Variants in STPG2 observed in about 807,000 individuals in gnomAD.
The protein encoded by STPG2 is sperm tail PG-rich repeat containing 2.
In STPG2, 56 loss-of-function variants were observed where a neutral mutation model predicts 54.2. The observed-to-expected ratio is 1.03, with a 90% CI of 0.83 to 1.29. The LOEUF is 1.29. STPG2 is among the 50% of genes most tolerant of loss of function. The pLI is 0.00. For synonymous variants in STPG2, 200 were observed against 181.8 expected (o/e 1.10, Z -0.81); for missense variants, 596 against 544.9 (o/e 1.09, Z -0.93).
rs1730441001 is a variant in STPG2 at position 97,883,174 on chromosome 4, CA to C, written c.1045-42243del. ...CTCTACAGAAATATATATATATACA[CA>C]TATATACATATATGTATATAAATAT... is the stretch of plus-strand genomic sequence containing the variant. On this transcript the variant is annotated intron_variant, in intron 8 of 10. Coordinates refer to ENST00000295268, the MANE Select transcript of STPG2 (RefSeq NM_174952.3). Among the ~76,000 whole-genome samples, 4 of 150,984 alleles carry C rather than the reference CA, an allele frequency of 2.6e-5. No individual in the cohort carries two copies. In the South Asian group the frequency reaches 6.3e-4, roughly 24 times the overall value.
intron 5 of STPG2, among the ~76,000 whole-genome samples, chr4:98,008,542 CTCACAGGTTTTAT>C (rs1735644054): frequency 2.0e-5 from 3 of 149,272 alleles, no homozygotes; most frequent in African/African-American, 7.4e-5. Flanking sequence ...TTTATAAAAA[CTCACAGGTTTTAT>C]AAATAGTTTT....
chr4:97,960,425 G>GAT (rs1733841247), intron 7 of STPG2, among the ~76,000 whole-genome samples: 1 of 152,096 alleles, frequency 6.6e-6, no homozygotes, highest in African/African-American at 2.4e-5. Context: ...GTTTGCTGAT[G>GAT]ATATGATTGT....
intron 9 of STPG2, among the ~76,000 whole-genome samples, chr4:97,782,651 G>A (rs1726683491): frequency 6.6e-6 from 1 of 152,194 alleles, no homozygotes; most frequent in South Asian, 2.1e-4. Context: ...AAGAAAGCTA[G>A]AGGCATCATG....
At chr4:98,036,702 G>A (rs564566233) in intron 5 of STPG2, among the ~76,000 whole-genome samples, 10 of 151,306 alleles carry the variant, frequency 6.6e-5, no homozygotes, top group Admixed American at 3.3e-4. Context: ...AATAACTAAC[G>A]GGTACCAGGC....
chr4:97,646,045 T>C (rs1480106394), intron 10 of STPG2, among the ~76,000 whole-genome samples: 2 of 152,128 alleles, frequency 1.3e-5, no homozygotes, highest in African/African-American at 4.8e-5. Context: ...ATCTGATTCT[T>C]TCCAACTAGA....
intron 10 of STPG2, among the ~76,000 whole-genome samples, chr4:97,661,424 A>G (rs1722374670): frequency 6.6e-6 from 1 of 152,142 alleles, no homozygotes; most frequent in African/African-American, 2.4e-5. Flanking sequence ...CCTTTGTGAC[A>G]TGGCCAGTCC....
intron 1 of STPG2, among the ~76,000 whole-genome samples, chr4:98,140,584 T>G (rs1286850094): frequency 3.3e-5 from 5 of 152,028 alleles, no homozygotes. Context: ...ACAGGAGTAG[T>G]CAGGGAGAAA....
chr4:98,011,169 T>C (rs1735737137), intron 5 of STPG2, among the ~76,000 whole-genome samples: 1 of 152,154 alleles, frequency 6.6e-6, no homozygotes, highest in Non-Finnish European at 1.5e-5. Flanking sequence ...GTCCATGAGT[T>C]CTCATTGTTC....
intron 4 of STPG2, among the ~76,000 whole-genome samples, chr4:97,550,456 G>C (rs112740740): frequency 6.6e-6 from 1 of 152,140 alleles, no homozygotes; most frequent in East Asian, 1.9e-4. Context: ...AAAAGGATAC[G>C]GGGAAGAGTG....
intron 4 of STPG2, among the ~76,000 whole-genome samples, chr4:97,443,197 T>A (rs1729133725): frequency 6.6e-6 from 1 of 152,164 alleles, no homozygotes; most frequent in South Asian, 2.1e-4. Context: ...CCTCGAGGAA[T>A]CTTTTAGTTT....
At chr4:97,495,157 T>G (rs1560632610) in intron 4 of STPG2, among the ~76,000 whole-genome samples, 1 of 151,444 alleles carries the variant, frequency 6.6e-6, no homozygotes, top group Non-Finnish European at 1.5e-5. Flanking sequence ...ACAGAACATA[T>G]AGTTCTTCTG....
At chr4:97,791,567 T>C (rs1001022858) in intron 9 of STPG2, among the ~76,000 whole-genome samples, 5 of 152,292 alleles carry the variant, frequency 3.3e-5, no homozygotes, top group South Asian at 4.1e-4. Context: ...CTCAAGCTGA[T>C]AAGTTTTCCT....
At chr4:98,083,615 G>A (rs1421861604) in intron 5 of STPG2, among the ~76,000 whole-genome samples, 2 of 152,096 alleles carry the variant, frequency 1.3e-5, no homozygotes, top group African/African-American at 2.4e-5. Flanking sequence ...GAGTATTCCA[G>A]GAAGAGGGGA....
At chr4:97,453,945 G>A (rs997256292) in intron 4 of STPG2, among the ~76,000 whole-genome samples, 1 of 151,958 alleles carries the variant, frequency 6.6e-6, no homozygotes, top group Non-Finnish European at 1.5e-5. Flanking sequence ...GTAGAGCAGA[G>A]GAAAGAAATG....
At chr4:97,998,487 G>A (rs1735312477) in intron 5 of STPG2, among the ~76,000 whole-genome samples, 1 of 152,086 alleles carries the variant, frequency 6.6e-6, no homozygotes, top group African/African-American at 2.4e-5. Context: ...ACATGCATCA[G>A]AAAAACTACC....
At chr4:97,967,773 A>G (rs570801588) in intron 7 of STPG2, among the ~76,000 whole-genome samples, 4 of 152,162 alleles carry the variant, frequency 2.6e-5, no homozygotes, top group African/African-American at 7.2e-5. Context: ...GGTACATAAC[A>G]AAATGAAGGC....
At chr4:97,467,705 G>T (rs752341844) in intron 4 of STPG2, among the ~76,000 whole-genome samples, 17 of 151,944 alleles carry the variant, frequency 1.1e-4, no homozygotes, top group Admixed American at 4.6e-4. Context: ...TTGTTGACTG[G>T]ATCAGGAGAT....
At chr4:97,463,822 A>G (rs1560619809) in intron 4 of STPG2, among the ~76,000 whole-genome samples, 1 of 152,212 alleles carries the variant, frequency 6.6e-6, no homozygotes, top group Non-Finnish European at 1.5e-5. Flanking sequence ...GTTACTGTTT[A>G]GTAACACCAT....
chr4:97,798,065 GAT>G (rs1727259725), intron 9 of STPG2, among the ~76,000 whole-genome samples: 1 of 152,030 alleles, frequency 6.6e-6, no homozygotes, highest in African/African-American at 2.4e-5. Flanking sequence ...GCATCTATTT[GAT>G]TCTTCTCTCT....
Sources: gnomAD v4.1 joint callset for allele counts (sites outside exome capture counted in the v4.1 genomes callset) on GRCh38, gnomAD v4.1.1 for gene constraint, MANE v1.5 for transcripts, NCBI Gene and HGNC (gene_info 2026-07-23, HGNC 2026-07-21) for gene names.